Variants in NT5C1B observed in about 807,000 individuals in gnomAD.
NT5C1B encodes the protein 5'-nucleotidase, cytosolic IB.
NT5C1B carries 44 observed loss-of-function variants against 57.8 expected under a neutral mutation model. The ratio of observed to expected loss-of-function variants is 0.76; its 90% CI spans 0.60 to 0.98. The LOEUF (loss-of-function observed/expected upper bound fraction) is 0.98. Among genes scored for constraint, NT5C1B ranks in the 50% least tolerant of loss-of-function variants. The pLI is 0.00. For missense variants in NT5C1B, 742 were observed against 719.5 expected (o/e 1.03, Z -0.36); for synonymous variants, 284 against 282.6 (o/e 1.00, Z -0.05).
chr2:18,586,328 A>T (rs768736239), exon 3 of NT5C1B: 1 of 1,614,044 alleles, frequency 6.2e-7, no homozygotes, highest in Admixed American at 1.7e-5. Flanking sequence ...GATATTCTAG[A>T]CCATTGACTG....
chr2:18,567,943 G>A (rs982439890), intron 8 of NT5C1B, among the ~76,000 whole-genome samples: 1 of 152,128 alleles, frequency 6.6e-6, no homozygotes, highest in African/African-American at 2.4e-5. Context: ...TATAAAGAGT[G>A]CCTAATGGAT....
intron 6 of NT5C1B, among the ~76,000 whole-genome samples, chr2:18,578,385 C>A (rs1477372063): frequency 6.6e-6 from 1 of 152,082 alleles, no homozygotes; most frequent in African/African-American, 2.4e-5. Context: ...TACTACCAAA[C>A]CCAATCCAGC....
Position 18,576,173 on chromosome 2 carries a change from A to T in NT5C1B, c.1329+11T>A. ...AGTACATAAAAATTAATTAGCACTC[A>T]TTGAACCTACCTGAGCAAGAGGCTT... On this transcript the variant is annotated intron_variant, in intron 8 of 8. Transcript: ENST00000304081. 6.3e-7 allele frequency: 1 copy of T among 1,596,756 alleles called. No individual in the cohort carries two copies. Among genetic ancestry groups the T allele is most frequent in the Non-Finnish European group, 8.5e-7 (1 of 1,175,462 alleles).
intron 1 of NT5C1B, 50 bp downstream of exon 1, chr2:18,589,389 C>T: frequency 6.2e-7 from 1 of 1,612,824 alleles, no homozygotes. Flanking sequence ...GACTGATATC[C>T]ACATTTCTTC....
intron 1 of NT5C1B, among the ~76,000 whole-genome samples, chr2:18,588,935 C>T (rs1666962055): frequency 6.6e-6 from 1 of 152,190 alleles, no homozygotes; most frequent in Admixed American, 6.5e-5. Context: ...TGCCTGCATA[C>T]ACCAGCCTTA....
intron 8 of NT5C1B, among the ~76,000 whole-genome samples, chr2:18,566,777 C>T (rs1350289226): frequency 6.6e-6 from 1 of 152,112 alleles, no homozygotes; most frequent in Non-Finnish European, 1.5e-5. Flanking sequence ...AAAGCAAATA[C>T]TAGGGAGAGA....
intron 8 of NT5C1B, among the ~76,000 whole-genome samples, chr2:18,567,841 C>G (rs1318193453): frequency 1.3e-5 from 2 of 152,056 alleles, no homozygotes; most frequent in African/African-American, 4.8e-5. Context: ...TGATTAATAT[C>G]TTTAAATGTC....
At chr2:18,567,459 A>G (rs1664749429) in intron 8 of NT5C1B, among the ~76,000 whole-genome samples, 1 of 152,172 alleles carries the variant, frequency 6.6e-6, no homozygotes, top group Non-Finnish European at 1.5e-5. Flanking sequence ...AGGAAGATAG[A>G]AGAAATAGCT....
intron 6 of NT5C1B, among the ~76,000 whole-genome samples, chr2:18,577,781 T>G (rs1002767165): frequency 2.0e-5 from 3 of 150,242 alleles, no homozygotes; most frequent in Admixed American, 1.3e-4. Context: ...TGAATGAAAT[T>G]GAGATGGGAA....
chr2:18,569,306 G>A (rs1664937856), intron 8 of NT5C1B, among the ~76,000 whole-genome samples: 1 of 151,830 alleles, frequency 6.6e-6, no homozygotes, highest in South Asian at 2.1e-4. Context: ...TAAGTAAATA[G>A]GGGAAAAAAG....
chr2:18,587,729 A>T, intron 1 of NT5C1B, 137 bp from the exon 2 acceptor site: 2 of 872,974 alleles, frequency 2.3e-6, no homozygotes, highest in South Asian at 2.2e-5. Flanking sequence ...TCTAGACCTT[A>T]GTTTCCCCTG....
rs1353626157 is a variant in NT5C1B at position 18,571,744 on chromosome 2, A to G, written c.1329+4440T>C. ...TATATATATATATATATATATATAT[A>G]TATATATATATATATATATATGTTA... On this transcript the variant is annotated intron_variant, in intron 8 of 8. Coordinates refer to ENST00000304081, the Ensembl canonical transcript of NT5C1B. Among the ~76,000 whole-genome samples, 86 of 83,526 alleles carry G rather than the reference A, an allele frequency of 1.0e-3. 2 individuals carry two copies. Among genetic ancestry groups the G allele is most frequent in the African/African-American group, 4.7e-3 (67 of 14,122 alleles). 54.8% of individuals were successfully genotyped at this position (83,526 alleles called of 152,430 possible).
At position 18,571,742 on chromosome 2, in the gene NT5C1B, A is replaced by G. The variant is rs1208417018; in HGVS notation, c.1329+4442T>C. Among the ~76,000 whole-genome samples the G allele has an allele frequency of 6.3e-4, 52 of 82,642 alleles. 1 individual carries two copies. The highest frequency in any genetic ancestry group is 3.0e-3 in the African/African-American group (42 of 13,834). The allele number at this position is 82,642 out of a possible 152,430, so 54.2% of individuals were successfully genotyped here. A position where few individuals can be genotyped will look rare whatever the true frequency, so the allele number is the denominator to read the frequency against. ...TGTATATATATATATATATATATATATATATATATATATATATATATATGT... is the reference window on the plus strand; with the variant it reads ...TGTATATATATATATATATATATATGTATATATATATATATATATATATGT... On this transcript the variant is annotated intron_variant, in intron 8 of 8. Coordinates refer to ENST00000304081, the Ensembl canonical transcript of NT5C1B.
Position 18,586,407 on chromosome 2 carries a change from G to A in NT5C1B, c.121-16C>T. 5.6e-6 allele frequency: 9 copies of A among 1,613,602 alleles called. No homozygotes were observed. Among genetic ancestry groups the A allele is most frequent in the Non-Finnish European group, 7.6e-6 (9 of 1,179,814 alleles). ...CTTGTGATCCCTGTGATGGAAAGAA[G>A]AAACCCAACGGTGTAAAACCCCATC... On this transcript the variant is annotated splice_polypyrimidine_tract_variant and intron_variant, in intron 2 of 8. Transcript: ENST00000304081.
chr2:18,564,712 C>A (rs1228041917), intron 8 of NT5C1B, among the ~76,000 whole-genome samples: 1 of 152,060 alleles, frequency 6.6e-6, no homozygotes, highest in Non-Finnish European at 1.5e-5. Context: ...AGTTTTTGTT[C>A]ATTTACATTT....
At chr2:18,577,422 CA>C (rs371226394) in intron 6 of NT5C1B, among the ~76,000 whole-genome samples, 638 of 39,814 alleles carry the variant, frequency 0.016, 2 homozygotes, top group East Asian at 0.053. Flanking sequence ...GACTCTGTCT[CA>C]AAAAAAAAAA....
chr2:18,577,420 CT>C (rs1665789193), intron 6 of NT5C1B, among the ~76,000 whole-genome samples: 1 of 85,534 alleles, frequency 1.2e-5, no homozygotes, highest in Non-Finnish European at 2.0e-5. Context: ...AAGACTCTGT[CT>C]CAAAAAAAAA....
intron 2 of NT5C1B, chr2:18,587,202 G>A (rs1162926072): frequency 1.3e-6 from 2 of 1,595,150 alleles, no homozygotes; most frequent in African/African-American, 1.3e-5. Flanking sequence ...AGTGGTCAAT[G>A]CCATGGCCAG....
At chr2:18,577,042 A>C (rs1400275383) in intron 6 of NT5C1B, 147 bp from the exon 7 acceptor site, 1 of 1,366,938 alleles carries the variant, frequency 7.3e-7, no homozygotes, top group African/African-American at 1.5e-5. Context: ...TTACCTTAGA[A>C]ATAAACTTTA....
Sources: allele counts gnomAD v4.1 joint callset (sites outside exome capture counted in the v4.1 genomes callset), GRCh38; gene constraint gnomAD v4.1.1; transcripts MANE v1.5; gene names NCBI Gene and HGNC (gene_info 2026-07-23, HGNC 2026-07-21).